The following MOCOS variants were observed in gnomAD, a reference collection of about 807,000 sequenced individuals.
MOCOS encodes the protein molybdenum cofactor sulfurase.
In MOCOS, 86 loss-of-function variants were observed where a neutral mutation model predicts 83.6. The observed-to-expected ratio is 1.03, with a 90% CI of 0.86 to 1.23. MOCOS has a LOEUF of 1.23. Among genes scored for constraint, MOCOS ranks in the 50% most tolerant of loss-of-function variants. The probability of loss-of-function intolerance (pLI) is 0.00; values close to 1 mark genes in which losing one functional copy is unlikely to be tolerated. For synonymous variants in MOCOS, 445 were observed against 434.7 expected (o/e 1.02, Z -0.29); for missense variants, 1,120 against 1,126.9 (o/e 0.99, Z 0.09).
chr18:36,208,131 C>T (rs2091441280), intron 6 of MOCOS, among the ~76,000 whole-genome samples: 1 of 152,118 alleles, frequency 6.6e-6, no homozygotes, highest in Non-Finnish European at 1.5e-5. Flanking sequence ...TCTGGGTTCT[C>T]TAACCTTTTC....
chr18:36,264,532 C>T (rs979925138), intron 13 of MOCOS, among the ~76,000 whole-genome samples: 12 of 152,266 alleles, frequency 7.9e-5, no homozygotes, highest in African/African-American at 2.6e-4. Context: ...CTCTCGAGCA[C>T]GGTCAAGTGC....
intron 13 of MOCOS, among the ~76,000 whole-genome samples, chr18:36,262,658 C>T (rs557217301): frequency 1.3e-5 from 2 of 152,232 alleles, no homozygotes; most frequent in Admixed American, 6.5e-5. Context: ...ACCACCACAC[C>T]TGGCTAAATT....
chr18:36,256,371 T>A (rs1410828450), intron 11 of MOCOS, among the ~76,000 whole-genome samples: 1 of 152,196 alleles, frequency 6.6e-6, no homozygotes, highest in Non-Finnish European at 1.5e-5. Context: ...CCTGCTGTCA[T>A]CCCTCCTCCT....
At position 36,198,732 on chromosome 18, in the gene MOCOS, A is replaced by G; in HGVS notation, c.275A>G (p.Asp92Gly). ...AACATCAGCAGCAAGCTCACCCATG[A>G]CACTGTGGAGCAGGTGCGCTACAGG... ...SQNISSKLTHDTVEQVRYRIL... is the reference protein window; with the variant it reads ...SQNISSKLTHGTVEQVRYRIL... The change falls in exon 3 of 15, where the codon GAC becomes GGC. Residue 92 changes from aspartate to glycine, a missense_variant. Transcript: ENST00000261326. The G allele has an allele frequency of 6.2e-7, 1 of 1,614,216 alleles. No individual in the cohort carries two copies. The highest frequency in any genetic ancestry group is 8.5e-7 in the Non-Finnish European group (1 of 1,180,040).
At chr18:36,230,542 C>T (rs2091534101) in intron 9 of MOCOS, among the ~76,000 whole-genome samples, 1 of 152,204 alleles carries the variant, frequency 6.6e-6, no homozygotes, top group African/African-American at 2.4e-5. Flanking sequence ...TTTCTATCTG[C>T]TTATGGTGTG....
chr18:36,256,128 G>A (rs1218947032), intron 11 of MOCOS, among the ~76,000 whole-genome samples: 4 of 152,092 alleles, frequency 2.6e-5, no homozygotes, highest in African/African-American at 4.8e-5. Flanking sequence ...CCGACCTCAG[G>A]TGATCCTCCT....
intron 11 of MOCOS, among the ~76,000 whole-genome samples, chr18:36,255,871 C>A (rs1200989954): frequency 6.8e-6 from 1 of 146,482 alleles, no homozygotes; most frequent in Non-Finnish European, 1.5e-5. Context: ...ATAGTTTCGT[C>A]CCCCTTTTAG....
chr18:36,190,120 C>T (rs1420936593), intron 1 of MOCOS: 1 of 152,214 alleles, frequency 6.6e-6, no homozygotes, highest in Non-Finnish European at 1.5e-5. Context: ...CTACTTGGCC[C>T]TCCAGAAGAC....
intron 6 of MOCOS, among the ~76,000 whole-genome samples, chr18:36,206,669 C>G (rs543153204): frequency 2.0e-5 from 3 of 152,106 alleles, no homozygotes; most frequent in Non-Finnish European, 4.4e-5. Context: ...CCCCGGTGGC[C>G]GTGGTTTTCT....
At chr18:36,206,244 C>CATT (rs2091434385) in intron 6 of MOCOS, among the ~76,000 whole-genome samples, 2 of 103,636 alleles carry the variant, frequency 1.9e-5, no homozygotes, top group South Asian at 7.1e-4. Flanking sequence ...TTTCTTCCAA[C>CATT]TTTTTTTTTT....
intron 13 of MOCOS, 50 bp downstream of exon 13, chr18:36,260,225 A>T: frequency 6.2e-7 from 1 of 1,612,222 alleles, no homozygotes; most frequent in Non-Finnish European, 8.5e-7. Context: ...GTCAATGAAG[A>T]TTGACCTCAA....
rs1424773596 is a variant in MOCOS, at chr18:36,251,282, AG to A, written c.2164+1del. On this transcript the variant is annotated frameshift_variant and splice_region_variant, in exon 11 of 15. Coordinates refer to ENST00000261326, the MANE Select transcript of MOCOS (RefSeq NM_017947.4). LOFTEE classifies it high-confidence loss of function. ...QRNAKKKHGK[D>X]QLPGTMATLS... ...GGAATGCAAAGAAGAAACATGGAAA[AG>A]GTATTACATTTTGAATTGGTTCGTA... is the stretch of plus-strand genomic sequence containing the variant. 6 of 1,613,932 alleles carry A rather than the reference AG, an allele frequency of 3.7e-6. No individual in the cohort carries two copies. The African/African-American group carries it at 6.7e-5, about 18-fold the overall frequency.
intron 9 of MOCOS, among the ~76,000 whole-genome samples, chr18:36,242,782 A>G (rs2091588764): frequency 6.6e-6 from 1 of 152,192 alleles, no homozygotes; most frequent in Non-Finnish European, 1.5e-5. Flanking sequence ...AGATCTCATG[A>G]GAACTCACTG....
intron 6 of MOCOS, among the ~76,000 whole-genome samples, chr18:36,211,796 G>A (rs1240036826): frequency 6.6e-6 from 1 of 152,146 alleles, no homozygotes; most frequent in African/African-American, 2.4e-5. Context: ...TGGAGGGCTG[G>A]GGATCTGTGG....
intron 9 of MOCOS, among the ~76,000 whole-genome samples, chr18:36,246,969 C>T (rs1433044089): frequency 6.6e-6 from 1 of 151,814 alleles, no homozygotes; most frequent in African/African-American, 2.4e-5. Flanking sequence ...TAGAGAGAAA[C>T]CATCAGGTGG....
At chr18:36,210,653 C>T (rs2091451242) in intron 6 of MOCOS, among the ~76,000 whole-genome samples, 2 of 151,746 alleles carry the variant, frequency 1.3e-5, no homozygotes, top group Non-Finnish European at 2.9e-5. Context: ...GAGTTGGAGA[C>T]TATCCTGGCC....
chr18:36,191,771 T>C (rs200359734), intron 1 of MOCOS, among the ~76,000 whole-genome samples: 1 of 110,134 alleles, frequency 9.1e-6, no homozygotes, highest in African/African-American at 3.7e-5. Context: ...CACACACACA[T>C]GTGAGCCATA....
intron 13 of MOCOS, among the ~76,000 whole-genome samples, chr18:36,265,807 C>T (rs1342268285): frequency 1.3e-5 from 2 of 151,932 alleles, no homozygotes; most frequent in Non-Finnish European, 2.9e-5. Flanking sequence ...CTACTTATTA[C>T]AGTTACAAAA....
intron 11 of MOCOS, among the ~76,000 whole-genome samples, chr18:36,254,454 A>ATC (rs1278501632): frequency 1.4e-4 from 14 of 98,796 alleles, no homozygotes; most frequent in East Asian, 6.8e-4. Context: ...AAAATACATT[A>ATC]TCTCTGTGTG....
Sources: allele counts gnomAD v4.1 joint callset (sites outside exome capture counted in the v4.1 genomes callset), GRCh38; gene constraint gnomAD v4.1.1; transcripts MANE v1.5; gene names NCBI Gene and HGNC (gene_info 2026-07-23, HGNC 2026-07-21).